ACO2: variants seen among roughly 807,000 people sequenced by gnomAD.
ACO2 encodes the protein aconitate hydratase, mitochondrial.
ACO2 carries 31 observed loss-of-function variants against 84.5 expected under a neutral mutation model. The observed-to-expected ratio is 0.37, with a 90% confidence interval of 0.28 to 0.50. ACO2 has a LOEUF of 0.50. Ranked by LOEUF, ACO2 falls within the 20% of genes least tolerant of loss-of-function variation. The probability of loss-of-function intolerance (pLI) is 0.97; values close to 1 mark genes in which losing one functional copy is unlikely to be tolerated. For missense variants in ACO2, 685 were observed against 1,029.3 expected, an observed-to-expected ratio of 0.67 and a Z score of 4.58; for synonymous variants, 414 against 412.7, an observed-to-expected ratio of 1.00 and a Z score of -0.04.
In ACO2 at chr22:41,527,402, A is replaced by G; in HGVS notation, c.2068A>G (p.Ser690Gly). The change falls in exon 16 of 18, where the codon AGC becomes GGC. Residue 690 changes from serine (S) to glycine (G), a missense_variant. By Grantham distance (56) the Ser-to-Gly change is moderately conservative. Coordinates refer to ENST00000216254, the MANE Select transcript of ACO2 (RefSeq NM_001098.3). Reference protein sequence around the residue: ...HLGGRAIITKSFARIHETNLK... With the variant: ...HLGGRAIITKGFARIHETNLK... ...TGGGGGCCGGGCCATCATCACCAAG[A>G]GCTTTGCCAGGATCCACGGTGAGCT... is the stretch of plus-strand genomic sequence containing the variant. 6.2e-7 allele frequency: 1 copy of G among 1,612,398 alleles called. No individual in the cohort carries two copies. Among genetic ancestry groups the G allele is most frequent in the Non-Finnish European group, 8.5e-7 (1 of 1,179,510 alleles).
At chr22:41,528,259 A>C (rs773313296) in intron 17 of ACO2, 58 of 841,444 alleles carry the variant, frequency 6.9e-5, no homozygotes, top group Non-Finnish European at 8.5e-5. Flanking sequence ...CCTGGCACTC[A>C]GGGGACAGCC....
chr22:41,519,872 G>C (rs527438151), intron 8 of ACO2, among the ~76,000 whole-genome samples: 1 of 152,092 alleles, frequency 6.6e-6, no homozygotes, highest in Non-Finnish European at 1.5e-5. Context: ...GAAGCTGACA[G>C]CCTTGATCCA....
chr22:41,469,282 C>T lies in ACO2; in HGVS notation c.36+100C>T. On this transcript the variant is annotated intron_variant, in intron 1 of 17. Coordinates refer to ENST00000216254, the MANE Select transcript of ACO2 (RefSeq NM_001098.3). ...AGGGCGAGGCGGGCCCAACCTGGGG[C>T]CAACTTCTCGTGTACCTGTCCCGGT... 3 of 1,423,652 alleles carry T rather than the reference C, an allele frequency of 2.1e-6. No homozygotes were observed. In the South Asian group the frequency reaches 3.9e-5, roughly 18 times the overall value. The allele number at this position is 1,423,652 out of a possible 1,614,324, so 88.2% of individuals were successfully genotyped here. A position where few individuals can be genotyped will look rare whatever the true frequency, so the allele number is the denominator to read the frequency against.
rs572357769 is a variant in ACO2 at position 41,528,421 on chromosome 22, C to T, written c.2209-58C>T. ...GTGCCCTGTCTCCCTGACCCCCCTG[C>T]GGGGCCAAGGGCACACAGTACCCAC... On this transcript the variant is annotated intron_variant, in intron 17 of 17. Coordinates refer to ENST00000216254, the MANE Select transcript of ACO2 (RefSeq NM_001098.3). 4.8e-4 allele frequency: 757 copies of T among 1,586,944 alleles called. 3 individuals are homozygous for T. The Middle Eastern group carries it at 6.0e-3, about 13-fold the overall frequency.
intron 1 of ACO2, among the ~76,000 whole-genome samples, chr22:41,471,439 G>A (rs1443625778): frequency 6.6e-6 from 1 of 152,224 alleles, no homozygotes; most frequent in Non-Finnish European, 1.5e-5. Flanking sequence ...CATTTGAGAA[G>A]TGATGGTTAC....
intron 2 of ACO2, among the ~76,000 whole-genome samples, chr22:41,506,369 C>T (rs1178594467): frequency 6.6e-6 from 1 of 152,160 alleles, no homozygotes; most frequent in Non-Finnish European, 1.5e-5. Flanking sequence ...TCTCCTGCCT[C>T]AGCCTCCCGA....
intron 2 of ACO2, among the ~76,000 whole-genome samples, chr22:41,504,112 A>T (rs2066374379): frequency 6.6e-6 from 1 of 152,180 alleles, no homozygotes. Flanking sequence ...GCCACTCGGG[A>T]GGCTGAGGCA....
At chr22:41,507,045 G>C (rs1355115204) in intron 2 of ACO2, among the ~76,000 whole-genome samples, 1 of 152,074 alleles carries the variant, frequency 6.6e-6, no homozygotes, top group Non-Finnish European at 1.5e-5. Context: ...CCCCAGGGCA[G>C]GTTTGGACTG....
rs1487186080 is a variant in ACO2, at chr22:41,525,363, G to A, written c.1761+15G>A. 3.1e-6 allele frequency: 5 copies of A among 1,612,690 alleles called. No homozygotes were observed. The highest frequency in any genetic ancestry group is 1.8e-4 in the Middle Eastern group (1 of 5,610). ...TCCTCATCAAGGTCAGCAGCATGGG[G>A]ACGGCAGGACAGCCCCACCCTGCCA... On this transcript the variant is annotated intron_variant, in intron 14 of 17. Coordinates refer to ENST00000216254, the MANE Select transcript of ACO2 (RefSeq NM_001098.3).
At chr22:41,508,108 C>T in intron 3 of ACO2, 59 bp downstream of exon 3, 1 of 1,558,562 alleles carries the variant, frequency 6.4e-7, no homozygotes, top group East Asian at 2.3e-5. Flanking sequence ...AGAGGCCTCA[C>T]CCTCACACTG....
chr22:41,521,826 G>A (rs1223184681), intron 9 of ACO2, among the ~76,000 whole-genome samples: 2 of 151,150 alleles, frequency 1.3e-5, no homozygotes, highest in African/African-American at 4.9e-5. Context: ...CCAGGCTGGA[G>A]TGCAGTGGCA....
At position 41,499,872 on chromosome 22, in the gene ACO2, C is replaced by G. The variant is rs759676213; in HGVS notation, c.173+10C>G. 26 of 1,613,148 alleles carry G rather than the reference C, an allele frequency of 1.6e-5. No individual in the cohort carries two copies. The East Asian group carries it at 5.6e-4, about 35-fold the overall frequency. ...ACATTGTTCGCAAACGGTAAGGCTGCAGATGGGAGGCTGTGACTGTCAAGG... is the reference window on the plus strand; with the variant it reads ...ACATTGTTCGCAAACGGTAAGGCTGGAGATGGGAGGCTGTGACTGTCAAGG... On this transcript the variant is annotated intron_variant, in intron 2 of 17. Coordinates refer to ENST00000216254, the MANE Select transcript of ACO2 (RefSeq NM_001098.3).
intron 4 of ACO2, chr22:41,512,408 C>G (rs1369002438): frequency 6.4e-6 from 1 of 155,724 alleles, no homozygotes; most frequent in African/African-American, 2.4e-5. Flanking sequence ...ATTTGCCATG[C>G]CCTGTGAGGT....
chr22:41,478,725 T>C (rs1194483031), intron 1 of ACO2, among the ~76,000 whole-genome samples: 1 of 151,642 alleles, frequency 6.6e-6, no homozygotes, highest in Non-Finnish European at 1.5e-5. Flanking sequence ...GTATCTAGAG[T>C]TCCTTTAAAA....
intron 1 of ACO2, 60 bp downstream of exon 1, chr22:41,469,242 G>A (rs1388850584): frequency 5.1e-6 from 8 of 1,572,780 alleles, no homozygotes; most frequent in African/African-American, 1.4e-5. Context: ...CTGTGCCGGC[G>A]GCTGTGGGCG....
At chr22:41,494,119 G>A (rs529952972) in intron 1 of ACO2, among the ~76,000 whole-genome samples, 3 of 152,306 alleles carry the variant, frequency 2.0e-5, no homozygotes, top group East Asian at 1.9e-4. Context: ...AAAGCAGAAC[G>A]GCACAGTGAT....
In ACO2 at chr22:41,518,554, T is replaced by A; in HGVS notation, c.1014T>A (p.Ile338=). Residue 338 remains isoleucine (I), a synonymous_variant, in exon 8 of 18, where the codon ATT becomes ATA. Coordinates refer to ENST00000216254, the MANE Select transcript of ACO2 (RefSeq NM_001098.3). Reference sequence around the variant, plus strand: ...CTGGCTGCCATTATGACCAACTAATTGAAATTAACCTCAGTGAGGTGAGGA... The same window carrying A: ...CTGGCTGCCATTATGACCAACTAATAGAAATTAACCTCAGTGAGGTGAGGA... ...PDPGCHYDQL[I]EINLSELKPH... 1 of 1,613,426 alleles carries A rather than the reference T, an allele frequency of 6.2e-7. No individual in the cohort carries two copies. Among genetic ancestry groups the A allele is most frequent in the Non-Finnish European group, 8.5e-7 (1 of 1,179,432 alleles).
At position 41,514,735 on chromosome 22, in the gene ACO2, C is replaced by T. The variant is rs571722700; in HGVS notation, c.526-642C>T. ...AAGTGCTCCCCACGGCTGGGAGGAG[C>T]GCCTCAGTGAAGGGAGTACTGTGAA... On this transcript the variant is annotated intron_variant, in intron 4 of 17. Transcript: ENST00000216254. 4.0e-4 allele frequency among the ~76,000 whole-genome samples: 61 copies of T among 152,292 alleles called. No homozygotes were observed. The South Asian group carries it at 0.012, about 30-fold the overall frequency.
intron 14 of ACO2, 45 bp downstream of exon 14, chr22:41,525,393 C>T: frequency 3.7e-6 from 6 of 1,605,156 alleles, no homozygotes; most frequent in Non-Finnish European, 5.1e-6. Flanking sequence ...CTGCCAGGGC[C>T]CCCCGTCCCC....
Sources: gnomAD v4.1 joint callset for allele counts (sites outside exome capture counted in the v4.1 genomes callset) on GRCh38, gnomAD v4.1.1 for gene constraint, MANE v1.5 for transcripts, NCBI Gene and HGNC (gene_info 2026-07-23, HGNC 2026-07-21) for gene names.